AGAP1: variants seen among roughly 807,000 people sequenced by gnomAD.
The protein encoded by AGAP1 is arf-GAP with GTPase, ANK repeat and PH domain-containing protein 1.
In AGAP1, 29 loss-of-function variants were observed where a neutral mutation model predicts 105.3. That is an observed-to-expected ratio of 0.28 (90% CI 0.21 to 0.38). The LOEUF is 0.38. Ranked by LOEUF, AGAP1 falls within the 10% of genes least tolerant of loss-of-function variation. The pLI is 1.00. For missense variants in AGAP1, 998 were observed against 1,165.1 expected (o/e 0.86, Z 2.09); for synonymous variants, 509 against 485.9 (o/e 1.05, Z -0.63).
chr2:235,668,863 T>C (rs1948219711), intron 1 of AGAP1, among the ~76,000 whole-genome samples: 1 of 152,182 alleles, frequency 6.6e-6, no homozygotes, highest in Non-Finnish European at 1.5e-5. Flanking sequence ...ACCCCTGTTT[T>C]ACAGGTGGAA....
At chr2:236,013,637 G>C (rs1326573632) in intron 13 of AGAP1, among the ~76,000 whole-genome samples, 1 of 152,152 alleles carries the variant, frequency 6.6e-6, no homozygotes, top group Non-Finnish European at 1.5e-5. Flanking sequence ...CGGCCACACA[G>C]AGCCCAGTGG....
In AGAP1 at chr2:235,535,041, C is replaced by G. The variant is rs1451381996; in HGVS notation, c.163+40192C>G. Among the ~76,000 whole-genome samples the G allele has an allele frequency of 3.9e-5, 6 of 152,156 alleles. No individual in the cohort carries two copies. The highest frequency in any genetic ancestry group is 8.8e-5 in the Non-Finnish European group (6 of 68,032). ...AATGCCTCTCACCTATTCCCAGATA[C>G]TCGCTGGAGTTGGAGCACACATGTC... On this transcript the variant is annotated intron_variant, in intron 1 of 17. Transcript: ENST00000304032. This position sits in a 1 kb window ranked among gnomAD's most constrained non-coding sequence, Gnocchi z 5.1.
In AGAP1 at chr2:236,023,454, C is replaced by T. The variant is rs907593146; in HGVS notation, c.1646-13107C>T. The stretch of plus-strand genomic sequence containing the variant: ...AGACAGAAACTGGGAGAACCCATAG[C>T]GAAAACTCACTTGTTAATAGGGGAA... On this transcript the variant is annotated intron_variant, in intron 13 of 17. Coordinates refer to ENST00000304032, the MANE Select transcript of AGAP1 (RefSeq NM_001037131.3). 3.3e-5 allele frequency among the ~76,000 whole-genome samples: 5 copies of T among 152,198 alleles called. No homozygotes were observed. In the East Asian group the frequency reaches 7.7e-4, roughly 24 times the overall value.
Position 235,953,946 on chromosome 2 carries a change from C to G in AGAP1, c.1484-14516C>G, listed in dbSNP as rs2053843860. ...AAAAAGAAAATGTACTTTTAAAAAT[C>G]AGGCCAGGCACAGTGGCTTATGCCT... On this transcript the variant is annotated intron_variant, in intron 12 of 17. Coordinates refer to ENST00000304032, the MANE Select transcript of AGAP1 (RefSeq NM_001037131.3). The surrounding 1 kb of genome is among the most constrained non-coding windows in gnomAD (Gnocchi z 5.2). Among the ~76,000 whole-genome samples, 1 of 152,046 alleles carries G rather than the reference C, an allele frequency of 6.6e-6. No homozygotes were observed. The highest frequency in any genetic ancestry group is 6.6e-5 in the Admixed American group (1 of 15,252).
rs1372641116 is a variant in AGAP1 at position 235,893,040 on chromosome 2, C to T, written c.1155+9591C>T. 6.6e-6 allele frequency among the ~76,000 whole-genome samples: 1 copy of T among 152,214 alleles called. No individual in the cohort carries two copies. The highest frequency in any genetic ancestry group is 1.5e-5 in the Non-Finnish European group (1 of 68,044). ...AATTATTTCATCTTGCTTTCTTGGT[C>T]ATAAGCTAAGGTGCTTGGAGCTGTC... On this transcript the variant is annotated intron_variant, in intron 10 of 17. Coordinates refer to ENST00000304032, the MANE Select transcript of AGAP1 (RefSeq NM_001037131.3). This position sits in a 1 kb window ranked among gnomAD's most constrained non-coding sequence, Gnocchi z 4.7.
Position 236,035,158 on chromosome 2 carries a change from A to C in AGAP1, c.1646-1403A>C, listed in dbSNP as rs992579843. 1.3e-5 allele frequency among the ~76,000 whole-genome samples: 2 copies of C among 152,206 alleles called. No homozygotes were observed. The highest frequency in any genetic ancestry group is 4.8e-5 in the African/African-American group (2 of 41,446). ...AAGATCAGAGGTCCGTGCAGTAGAC[A>C]TGAGCCAGCCCAATGGCCACGGGCT... On this transcript the variant is annotated intron_variant, in intron 13 of 17. Coordinates refer to ENST00000304032, the MANE Select transcript of AGAP1 (RefSeq NM_001037131.3). The surrounding 1 kb of genome is among the most constrained non-coding windows in gnomAD (Gnocchi z 4.2).
At chr2:235,999,614 GTGA>G (rs1372773696) in intron 13 of AGAP1, among the ~76,000 whole-genome samples, 1 of 80,476 alleles carries the variant, frequency 1.2e-5, no homozygotes, top group South Asian at 4.6e-4. Flanking sequence ...GGTGGTGGTG[GTGA>G]TGATGGTGGT....
At position 235,769,913 on chromosome 2, in the gene AGAP1, A is replaced by G. The variant is rs1334967827; in HGVS notation, c.673+19425A>G. 6.6e-6 allele frequency among the ~76,000 whole-genome samples: 1 copy of G among 152,214 alleles called. No individual in the cohort carries two copies. The highest frequency in any genetic ancestry group is 1.5e-5 in the Non-Finnish European group (1 of 68,042). On this transcript the variant is annotated intron_variant, in intron 6 of 17. Coordinates refer to ENST00000304032, the MANE Select transcript of AGAP1 (RefSeq NM_001037131.3). This position sits in a 1 kb window ranked among gnomAD's most constrained non-coding sequence, Gnocchi z 4.4. ...CTTTGGTTTTCCAGAGTTACACTTC[A>G]CATGTATTTCTATTAAGATACACAC...
In AGAP1 at chr2:236,120,202, G is replaced by A; in HGVS notation, c.2125G>A (p.Glu709Lys). ...PSVDSTREEK[E>K]RWIRAKYEQK... ...GGTGGCTCTTTGCAGGGAAGAGAAGGAACGGTGGATCCGTGCCAAGTACGA... is the reference window on the plus strand; with the variant it reads ...GGTGGCTCTTTGCAGGGAAGAGAAGAAACGGTGGATCCGTGCCAAGTACGA... Residue 709 changes from glutamate (E) to lysine (K), a missense_variant, in exon 17 of 18, where the codon GAA becomes AAA. Physicochemically the swap from Glu to Lys is moderately conservative, Grantham distance 56. Coordinates refer to ENST00000304032, the MANE Select transcript of AGAP1 (RefSeq NM_001037131.3). This position sits in a 1 kb window ranked among gnomAD's most constrained non-coding sequence, Gnocchi z 6.0. 1 of 1,611,190 alleles carries A rather than the reference G, an allele frequency of 6.2e-7. No homozygotes were observed. The highest frequency in any genetic ancestry group is 8.5e-7 in the Non-Finnish European group (1 of 1,178,266).
In AGAP1 at chr2:235,609,600, G is replaced by GA. The variant is rs1946060041; in HGVS notation, c.164-99579_164-99578insA. 6.6e-6 allele frequency among the ~76,000 whole-genome samples: 1 copy of GA among 152,118 alleles called. No homozygotes were observed. Among genetic ancestry groups the GA allele is most frequent in the Non-Finnish European group, 1.5e-5 (1 of 68,026 alleles). On this transcript the variant is annotated intron_variant, in intron 1 of 17. Coordinates refer to ENST00000304032, the MANE Select transcript of AGAP1 (RefSeq NM_001037131.3). This position sits in a 1 kb window ranked among gnomAD's most constrained non-coding sequence, Gnocchi z 5.1. ...ACTTTGACCCCGGACCTGCATGCGC[G>GA]CTGAGGATGGCAGAGGGGCTCCTGC...
intron 1 of AGAP1, among the ~76,000 whole-genome samples, chr2:235,646,288 G>T (rs566729176): frequency 2.3e-4 from 28 of 119,210 alleles, no homozygotes; most frequent in African/African-American, 8.1e-4. Context: ...AAAAAAAAAA[G>T]GTTGTTTTGT....
rs1574837503 is a variant in AGAP1, at chr2:235,555,058, T to A, written c.163+60209T>A. Among the ~76,000 whole-genome samples the A allele has an allele frequency of 6.6e-6, 1 of 152,186 alleles. No individual in the cohort carries two copies. Among genetic ancestry groups the A allele is most frequent in the Non-Finnish European group, 1.5e-5 (1 of 68,034 alleles). ...CTGGAGAGGAGGTGGAGCAGTTGCC[T>A]TCTCAGCATCGTGGGGTGGGGCTGG... On this transcript the variant is annotated intron_variant, in intron 1 of 17. Transcript: ENST00000304032. This position sits in a 1 kb window ranked among gnomAD's most constrained non-coding sequence, Gnocchi z 5.1.
rs1955929137 is a variant in AGAP1, at chr2:235,777,053, CGAG to C, written c.674-20703_674-20701del. The stretch of plus-strand genomic sequence containing the variant: ...GGCCAGGCTGGATCCTGCAGAGAAA[CGAG>C]GAAGTATTAGACAGAAGTGATGCTG... On this transcript the variant is annotated intron_variant, in intron 6 of 17. Coordinates refer to ENST00000304032, the MANE Select transcript of AGAP1 (RefSeq NM_001037131.3). This position sits in a 1 kb window ranked among gnomAD's most constrained non-coding sequence, Gnocchi z 5.1. 1 of 470,990 alleles carries C rather than the reference CGAG, an allele frequency of 2.1e-6. No individual in the cohort carries two copies. The highest frequency in any genetic ancestry group is 2.0e-5 in the African/African-American group (1 of 50,048). The allele number at this position is 470,990 out of a possible 1,614,324, so 29.2% of individuals were successfully genotyped here.
chr2:235,678,535 A>AGGAC (rs1286901350), intron 1 of AGAP1, among the ~76,000 whole-genome samples: 2 of 152,156 alleles, frequency 1.3e-5, no homozygotes, highest in African/African-American at 2.4e-5. Context: ...AGGGATTGTT[A>AGGAC]GGACGGGGGC....
intron 1 of AGAP1, among the ~76,000 whole-genome samples, chr2:235,703,002 A>G (rs1247719038): frequency 1.5e-5 from 2 of 134,146 alleles, no homozygotes; most frequent in Non-Finnish European, 3.1e-5. Context: ...ATCTCAGCTC[A>G]CTGCCACCTC....
intron 5 of AGAP1, among the ~76,000 whole-genome samples, chr2:235,745,802 A>G (rs13400825): frequency 0.017 from 2,574 of 152,286 alleles, 71 homozygotes; most frequent in African/African-American, 0.059. Flanking sequence ...ACGAACCTAC[A>G]AAAGCCCAGA....
At chr2:236,026,607 C>T (rs1416976436) in intron 13 of AGAP1, among the ~76,000 whole-genome samples, 5 of 152,108 alleles carry the variant, frequency 3.3e-5, no homozygotes, top group African/African-American at 1.2e-4. Flanking sequence ...CAGGCGCCTG[C>T]AATCCCAGCT....
At chr2:236,057,641 G>A (rs545440050) in intron 16 of AGAP1, among the ~76,000 whole-genome samples, 2 of 151,726 alleles carry the variant, frequency 1.3e-5, no homozygotes, top group African/African-American at 4.8e-5. Flanking sequence ...AGCCTGTATT[G>A]CAGAGACCTC....
rs1355257431 is a variant in AGAP1 at position 235,621,687 on chromosome 2, A to G, written c.164-87492A>G. ...TGGTCATTCCCTGTGCCCATTGTTC[A>G]TGCATTGGAACTTGGAGTGCCTGCT... On this transcript the variant is annotated intron_variant, in intron 1 of 17. Transcript: ENST00000304032. This position sits in a 1 kb window ranked among gnomAD's most constrained non-coding sequence, Gnocchi z 4.1. Among the ~76,000 whole-genome samples, 1 of 152,150 alleles carries G rather than the reference A, an allele frequency of 6.6e-6. No individual in the cohort carries two copies. The highest frequency in any genetic ancestry group is 2.4e-5 in the African/African-American group (1 of 41,434).
Sources: gnomAD v4.1 joint callset for allele counts (sites outside exome capture counted in the v4.1 genomes callset) on GRCh38, gnomAD v4.1.1 for gene constraint, Gnocchi (gnomAD v3.1) non-coding constraint, MANE v1.5 for transcripts, NCBI Gene and HGNC (gene_info 2026-07-23, HGNC 2026-07-21) for gene names.